Variants in LAMA2 observed in about 807,000 individuals in gnomAD.
The protein encoded by LAMA2 is laminin subunit alpha 2.
Under a neutral mutation model 364.8 loss-of-function variants are expected in LAMA2, and 269 were observed. The ratio of observed to expected loss-of-function variants is 0.74; its 90% CI spans 0.67 to 0.82. The LOEUF (loss-of-function observed/expected upper bound fraction) is 0.82, where lower values mean the gene tolerates loss of function less well. Among genes scored for constraint, LAMA2 ranks in the 40% least tolerant of loss-of-function variants. LAMA2 has a pLI of 0.00. For missense variants in LAMA2, 3,807 were observed against 3,873.2 expected, an observed-to-expected ratio of 0.98 and a Z score of 0.45; for synonymous variants, 1,379 against 1,370.6, an observed-to-expected ratio of 1.01 and a Z score of -0.14.
chr6:129,438,830 AC>A, intron 42 of LAMA2, 68 bp downstream of exon 42: 1 of 835,958 alleles, frequency 1.2e-6, no homozygotes, highest in Non-Finnish European at 2.1e-6. Context: ...GTTAACTTTT[AC>A]CATTTTTTTC....
chr6:129,415,945 CTTTTTTT>C (rs952225363), intron 40 of LAMA2, among the ~76,000 whole-genome samples: 5 of 33,732 alleles, frequency 1.5e-4, no homozygotes, highest in Non-Finnish European at 2.6e-4. Context: ...CACTTTCTTT[CTTTTTTT>C]TTTTTTTTTT....
Position 129,158,246 on chromosome 6 carries a change from T to C in LAMA2, c.1206+3563T>C. On this transcript the variant is annotated intron_variant, in intron 8 of 64. Coordinates refer to ENST00000421865, the MANE Select transcript of LAMA2 (RefSeq NM_000426.4). ...AACCTGTACCTTTAATATCTGCCGC[T>C]ATGAAACCAAGTATGTTTTCATGGC... The C allele has an allele frequency of 2.5e-6, 4 of 1,614,092 alleles. No homozygotes were observed. The South Asian group carries it at 4.4e-5, about 18-fold the overall frequency.
chr6:129,357,904 C>T (rs1297817814), intron 32 of LAMA2, among the ~76,000 whole-genome samples: 1 of 151,974 alleles, frequency 6.6e-6, no homozygotes, highest in East Asian at 1.9e-4. Flanking sequence ...ACAGGACTTA[C>T]TATTCTGAAA....
intron 4 of LAMA2, among the ~76,000 whole-genome samples, chr6:129,113,194 A>C (rs1776259564): frequency 6.6e-6 from 1 of 152,100 alleles, no homozygotes; most frequent in Non-Finnish European, 1.5e-5. Context: ...ACTCTTTAAC[A>C]TGAGGGGCTC....
chr6:129,058,920 T>C (rs958361371), intron 2 of LAMA2, among the ~76,000 whole-genome samples: 9 of 152,286 alleles, frequency 5.9e-5, no homozygotes, highest in South Asian at 2.1e-4. Context: ...TAGTAAATGA[T>C]TTTTTAGGGG....
chr6:129,279,591 C>T (rs951847144), intron 17 of LAMA2, among the ~76,000 whole-genome samples: 5 of 152,152 alleles, frequency 3.3e-5, no homozygotes, highest in African/African-American at 7.2e-5. Flanking sequence ...TGCACACAGG[C>T]ACGCCCCACT....
chr6:129,416,017 C>G (rs1780770444), intron 40 of LAMA2, among the ~76,000 whole-genome samples: 1 of 36,108 alleles, frequency 2.8e-5, no homozygotes, highest in Non-Finnish European at 4.9e-5. Context: ...GGCGGGATCT[C>G]GGCTCACTGC....
intron 46 of LAMA2, 88 bp downstream of exon 46, chr6:129,453,219 A>G (rs762538361): frequency 3.2e-6 from 4 of 1,244,628 alleles, no homozygotes; most frequent in South Asian, 1.2e-5. Flanking sequence ...CCAAATGTAT[A>G]TGGTCCCCAA....
chr6:129,308,388 T>C (rs968007083), intron 22 of LAMA2, among the ~76,000 whole-genome samples: 3 of 152,212 alleles, frequency 2.0e-5, no homozygotes, highest in Admixed American at 6.5e-5. Flanking sequence ...CAGAATGCTA[T>C]GATATAGCCA....
chr6:129,514,552 A>C lies in LAMA2; in HGVS notation c.9168A>C (p.Thr3056=), dbSNP rs755427767. The change falls in exon 64 of 65, where the codon ACA becomes ACC. Residue 3056 remains threonine, a synonymous_variant. Transcript: ENST00000421865. ...VEAQSPNPAS[T]SADTNDPVFV... Reference sequence around the variant, plus strand: ...CCCAAAGCCCAAACCCAGCATCTACATCAGCTGACACAAATGACCCTGTGT... The same window carrying C: ...CCCAAAGCCCAAACCCAGCATCTACCTCAGCTGACACAAATGACCCTGTGT... The C allele has an allele frequency of 2.5e-5, 40 of 1,614,184 alleles. No homozygotes were observed. The highest frequency in any genetic ancestry group is 3.1e-5 in the Non-Finnish European group (37 of 1,180,020).
At chr6:129,099,172 G>T (rs912684310) in intron 4 of LAMA2, among the ~76,000 whole-genome samples, 53 of 135,812 alleles carry the variant, frequency 3.9e-4, no homozygotes, top group African/African-American at 1.4e-3. Flanking sequence ...TCTTGATCCA[G>T]TTACTTAAAT....
chr6:129,043,155 A>G (rs1485455120), intron 1 of LAMA2, among the ~76,000 whole-genome samples: 1 of 152,164 alleles, frequency 6.6e-6, no homozygotes, highest in East Asian at 1.9e-4. Flanking sequence ...ACTTTTTAAT[A>G]TTTGATGTTG....
intron 1 of LAMA2, among the ~76,000 whole-genome samples, chr6:128,891,765 A>G (rs1044640218): frequency 1.2e-4 from 18 of 152,096 alleles, no homozygotes; most frequent in African/African-American, 4.3e-4. Context: ...TTGAATTCTA[A>G]TTAGAATTTG....
In LAMA2 at chr6:129,066,038, GTTT is replaced by G. The variant is rs544271722; in HGVS notation, c.396+6165_396+6167del. ...TCTTTTGTAAATTGCCCAGTCTCAGGTTTTTTTTTTTTTTTTTTTTTTTTTGAG... is the reference window on the plus strand; with the variant it reads ...TCTTTTGTAAATTGCCCAGTCTCAGGTTTTTTTTTTTTTTTTTTTTTTGAG... On this transcript the variant is annotated intron_variant, in intron 3 of 64. Transcript: ENST00000421865. Among the ~76,000 whole-genome samples the G allele has an allele frequency of 9.2e-4, 34 of 37,118 alleles. 7 individuals are homozygous for G. The highest frequency in any genetic ancestry group is 5.8e-3 in the South Asian group (4 of 684). The allele number at this position is 37,118 out of a possible 152,430, so 24.4% of individuals were successfully genotyped here. A position where few individuals can be genotyped will look rare whatever the true frequency, so the allele number is the denominator to read the frequency against.
intron 62 of LAMA2, among the ~76,000 whole-genome samples, chr6:129,508,328 G>T (rs940775659): frequency 6.6e-6 from 1 of 152,108 alleles, no homozygotes; most frequent in Non-Finnish European, 1.5e-5. Flanking sequence ...TCATATCAGG[G>T]TAAATGGGGT....
intron 32 of LAMA2, 77 bp downstream of exon 32, chr6:129,353,434 C>A: frequency 8.7e-6 from 10 of 1,153,384 alleles, no homozygotes; most frequent in Non-Finnish European, 1.1e-5. Flanking sequence ...GAAAGAGTGA[C>A]TCTCCCCGCC....
rs749794799 is a variant in LAMA2 at position 129,478,778 on chromosome 6, G to C, written c.7537G>C (p.Asp2513His). 12 of 1,613,074 alleles carry C rather than the reference G, an allele frequency of 7.4e-6. No homozygotes were observed. The highest frequency in any genetic ancestry group is 1.0e-5 in the Non-Finnish European group (12 of 1,179,128). Residue 2513 changes from aspartate (D) to histidine (H), a missense_variant, in exon 54 of 65, where the codon GAT becomes CAT. Physicochemically the swap from Asp to His is moderately conservative, Grantham distance 81. Transcript: ENST00000421865. Reference sequence around the variant, plus strand: ...TCCGTACAATATACTCAGTAGTCCCGATTATGTTGGTGTTACCAAAGGATG... The same window carrying C: ...TCCGTACAATATACTCAGTAGTCCCCATTATGTTGGTGTTACCAAAGGATG... The part of the protein sequence containing the change: ...RTPYNILSSP[D>H]YVGVTKGCSL...
chr6:129,304,520 C>A (rs1025335275), intron 22 of LAMA2, among the ~76,000 whole-genome samples: 1 of 152,226 alleles, frequency 6.6e-6, no homozygotes, highest in Middle Eastern at 3.2e-3. Context: ...GCCTCAGCCT[C>A]CCAAAATGCT....
intron 15 of LAMA2, among the ~76,000 whole-genome samples, chr6:129,263,558 T>C (rs1787286940): frequency 6.6e-6 from 1 of 152,082 alleles, no homozygotes; most frequent in Non-Finnish European, 1.5e-5. Flanking sequence ...AGAAGGAGCG[T>C]GGCTGGAGCC....
Sources: gnomAD v4.1 joint callset for allele counts (sites outside exome capture counted in the v4.1 genomes callset) on GRCh38, gnomAD v4.1.1 for gene constraint, MANE v1.5 for transcripts, NCBI Gene and HGNC (gene_info 2026-07-23, HGNC 2026-07-21) for gene names.